The following RARB variants were observed in gnomAD, a reference collection of about 807,000 sequenced individuals.
RARB encodes the protein HBV-activated protein.
In RARB, 17 loss-of-function variants were observed where a neutral mutation model predicts 51.9. The ratio of observed to expected loss-of-function variants is 0.33; its 90% CI spans 0.22 to 0.49. RARB has a LOEUF of 0.49. Ranked by LOEUF, RARB falls within the 20% of genes least tolerant of loss-of-function variation. The pLI, the probability that RARB is intolerant of heterozygous loss-of-function variation, is 0.99. For missense variants in RARB, 369 were observed against 550.8 expected (o/e 0.67, Z 3.30); for synonymous variants, 215 against 195.4 (o/e 1.10, Z -0.84).
chr3:25,013,579 G>C (rs1276639780), intron 2 of RARB, among the ~76,000 whole-genome samples: 1 of 151,950 alleles, frequency 6.6e-6, no homozygotes, highest in East Asian at 1.9e-4. Flanking sequence ...ACCACCATTT[G>C]CCCTCATCTC....
chr3:25,455,843 A>T (rs1694878782), intron 1 of RARB, among the ~76,000 whole-genome samples: 1 of 152,260 alleles, frequency 6.6e-6, no homozygotes, highest in Non-Finnish European at 1.5e-5. Flanking sequence ...AGCAGCAAAC[A>T]GAACTGAGTA....
chr3:25,277,328 A>G (rs1050016072), intron 5 of RARB, among the ~76,000 whole-genome samples: 1 of 152,202 alleles, frequency 6.6e-6, no homozygotes, highest in Non-Finnish European at 1.5e-5. Context: ...TCAGTCACCC[A>G]AAAGTCATCC....
intron 4 of RARB, among the ~76,000 whole-genome samples, chr3:25,137,644 G>A (rs2125335728): frequency 6.6e-6 from 1 of 152,142 alleles, no homozygotes; most frequent in South Asian, 2.1e-4. Flanking sequence ...AATTTCTAGT[G>A]GAAATTAATA....
At chr3:25,332,683 A>G (rs1226181063) in intron 5 of RARB, among the ~76,000 whole-genome samples, 8 of 152,198 alleles carry the variant, frequency 5.3e-5, no homozygotes, top group African/African-American at 1.9e-4. Context: ...CAGGGCAATC[A>G]GGCAGGAGAA....
intron 5 of RARB, among the ~76,000 whole-genome samples, chr3:25,589,200 A>G (rs1044993242): frequency 2.0e-5 from 3 of 152,210 alleles, no homozygotes; most frequent in Non-Finnish European, 4.4e-5. Context: ...GAAAAGAGCC[A>G]TGTGAAGATC....
chr3:25,243,483 A>G (rs1487357661), intron 5 of RARB, among the ~76,000 whole-genome samples: 1 of 152,134 alleles, frequency 6.6e-6, no homozygotes, highest in Non-Finnish European at 1.5e-5. Flanking sequence ...GGTATGTTTC[A>G]TTAATACCTA....
At chr3:25,419,365 C>G (rs549746020) in intron 5 of RARB, among the ~76,000 whole-genome samples, 53 of 152,174 alleles carry the variant, frequency 3.5e-4, no homozygotes, top group African/African-American at 1.1e-3. Context: ...CTATCACTAC[C>G]AAGAGTGAGG....
chr3:25,392,443 T>G lies in RARB; in HGVS notation c.179-68750T>G, dbSNP rs183400798. On this transcript the variant is annotated intron_variant, in intron 5 of 11. Transcript: ENST00000383772. Reference sequence around the variant, plus strand: ...TGTGTGAAGAATGATGATGGTATTTTGATGGGATTTACATTGAATTTATAG... The same window carrying G: ...TGTGTGAAGAATGATGATGGTATTTGGATGGGATTTACATTGAATTTATAG... Among the ~76,000 whole-genome samples, 8 of 152,274 alleles carry G rather than the reference T, an allele frequency of 5.3e-5. No individual in the cohort carries two copies. The East Asian group carries it at 1.4e-3, about 26-fold the overall frequency.
intron 5 of RARB, among the ~76,000 whole-genome samples, chr3:25,398,214 TA>T (rs1185697295): frequency 6.6e-6 from 1 of 151,552 alleles, no homozygotes; most frequent in Non-Finnish European, 1.5e-5. Context: ...TCTGAGAACA[TA>T]AAAAAAATGA....
intron 5 of RARB, among the ~76,000 whole-genome samples, chr3:25,347,649 G>A (rs1253976641): frequency 1.3e-5 from 2 of 152,166 alleles, no homozygotes; most frequent in African/African-American, 4.8e-5. Context: ...AGAAACTTCA[G>A]GTTTAGACAT....
chr3:24,952,760 A>G (rs775467443), intron 2 of RARB, among the ~76,000 whole-genome samples: 5 of 148,386 alleles, frequency 3.4e-5, no homozygotes, highest in Non-Finnish European at 5.9e-5. Flanking sequence ...TTTCCCTGAT[A>G]GATTCATTAC....
intron 2 of RARB, among the ~76,000 whole-genome samples, chr3:24,861,397 C>T (rs1259564440): frequency 1.3e-5 from 2 of 151,922 alleles, no homozygotes; most frequent in South Asian, 2.1e-4. Flanking sequence ...TTCATACCTT[C>T]GTTAATACAG....
chr3:24,875,062 G>A (rs188223587), intron 2 of RARB, among the ~76,000 whole-genome samples: 37 of 152,014 alleles, frequency 2.4e-4, no homozygotes, highest in Admixed American at 2.1e-3. Context: ...AAATTTATAT[G>A]CTTCTGTTAA....
chr3:25,547,370 A>T (rs1406702702), intron 3 of RARB, among the ~76,000 whole-genome samples: 2 of 152,216 alleles, frequency 1.3e-5, no homozygotes, highest in African/African-American at 2.4e-5. Context: ...CACCATTGGA[A>T]TTTCAGCAGA....
chr3:25,367,107 TC>T (rs1706144776), intron 5 of RARB, among the ~76,000 whole-genome samples: 1 of 152,114 alleles, frequency 6.6e-6, no homozygotes, highest in Non-Finnish European at 1.5e-5. Context: ...AAACTAGAGA[TC>T]TAAAAAAGAT....
At chr3:25,154,847 C>A (rs1700348826) in intron 4 of RARB, among the ~76,000 whole-genome samples, 2 of 152,224 alleles carry the variant, frequency 1.3e-5, no homozygotes, top group Non-Finnish European at 2.9e-5. Flanking sequence ...CACCTACCTA[C>A]ATCTGAGCAT....
intron 3 of RARB, among the ~76,000 whole-genome samples, chr3:25,115,268 A>G (rs1456739766): frequency 6.6e-6 from 1 of 152,184 alleles, no homozygotes; most frequent in African/African-American, 2.4e-5. Flanking sequence ...AACATTTAAC[A>G]TAAATATTTA....
intron 2 of RARB, among the ~76,000 whole-genome samples, chr3:24,971,335 A>G (rs939507594): frequency 1.3e-5 from 2 of 151,986 alleles, no homozygotes; most frequent in Non-Finnish European, 2.9e-5. Context: ...TGGACTCTAG[A>G]TTGATGTTAT....
chr3:25,460,263 A>G (rs1364141425), intron 1 of RARB, among the ~76,000 whole-genome samples: 1 of 152,034 alleles, frequency 6.6e-6, no homozygotes, highest in Non-Finnish European at 1.5e-5. Context: ...AGTGATGCCG[A>G]TGCATGTTGG....
Sources: allele counts gnomAD v4.1 joint callset (sites outside exome capture counted in the v4.1 genomes callset), GRCh38; gene constraint gnomAD v4.1.1; transcripts MANE v1.5; gene names NCBI Gene and HGNC (gene_info 2026-07-23, HGNC 2026-07-21).